The following IGSF11 variants were observed in gnomAD, a reference collection of about 807,000 sequenced individuals.
IGSF11 encodes immunoglobulin superfamily member 11.
A neutral mutation model predicts 41.0 loss-of-function variants in IGSF11; 22 were observed. The observed-to-expected ratio is 0.54, with a 90% CI of 0.38 to 0.77. The LOEUF (loss-of-function observed/expected upper bound fraction) is 0.77, where lower values mean the gene tolerates loss of function less well. IGSF11 is among the 30% of genes least tolerant of loss of function. IGSF11 has a pLI of 0.00. For synonymous variants in IGSF11, 219 were observed against 201.3 expected (o/e 1.09, Z -0.74); for missense variants, 444 against 530.8 (o/e 0.84, Z 1.61).
At chr3:118,994,543 A>G (rs957028246) in intron 1 of IGSF11, among the ~76,000 whole-genome samples, 7 of 152,190 alleles carry the variant, frequency 4.6e-5, no homozygotes, top group African/African-American at 1.7e-4. Context: ...CTATAGTCCC[A>G]GCTACTCAGG....
intron 1 of IGSF11, among the ~76,000 whole-genome samples, chr3:118,988,637 G>A (rs568170705): frequency 1.3e-5 from 2 of 152,256 alleles, no homozygotes; most frequent in East Asian, 1.9e-4. Context: ...CTCGGGGTGG[G>A]AAACTTGGAG....
chr3:118,967,835 A>G (rs1030987984), intron 1 of IGSF11, among the ~76,000 whole-genome samples: 2 of 152,158 alleles, frequency 1.3e-5, no homozygotes, highest in Non-Finnish European at 2.9e-5. Context: ...TTTTTTTACT[A>G]TGCATTGGCA....
intron 1 of IGSF11, among the ~76,000 whole-genome samples, chr3:118,954,258 G>A (rs1211801947): frequency 6.6e-6 from 1 of 152,028 alleles, no homozygotes; most frequent in African/African-American, 2.4e-5. Flanking sequence ...TGTTTCATTG[G>A]TCCATGTGCC....
intron 1 of IGSF11, among the ~76,000 whole-genome samples, chr3:119,033,229 T>G (rs1421127152): frequency 6.6e-6 from 1 of 152,228 alleles, no homozygotes; most frequent in Non-Finnish European, 1.5e-5. Context: ...ATTTGAGCTG[T>G]TCTTGTAATA....
chr3:119,029,110 G>C (rs1260826152), intron 1 of IGSF11, among the ~76,000 whole-genome samples: 1 of 150,736 alleles, frequency 6.6e-6, no homozygotes, highest in Non-Finnish European at 1.5e-5. Context: ...TCATTCACAA[G>C]TATCTACTGA....
At chr3:119,106,887 T>C (rs1420489388), upstream of IGSF11, among the ~76,000 whole-genome samples, 1 of 152,192 alleles carries the variant, frequency 6.6e-6, no homozygotes, top group Non-Finnish European at 1.5e-5. Context: ...GATTTCCAAT[T>C]TCATCCATGT....
intron 1 of IGSF11, among the ~76,000 whole-genome samples, chr3:118,963,423 A>G (rs186539728): frequency 1.3e-5 from 2 of 152,192 alleles, no homozygotes; most frequent in South Asian, 4.1e-4. Flanking sequence ...AATCAGAAGC[A>G]CTGAGGGCAG....
intron 4 of IGSF11, among the ~76,000 whole-genome samples, chr3:118,913,980 C>A (rs926803827): frequency 1.3e-5 from 2 of 151,816 alleles, no homozygotes; most frequent in African/African-American, 2.4e-5. Context: ...ACTGATGAGA[C>A]GAAATATTCA....
chr3:118,953,988 T>C (rs55758895), intron 1 of IGSF11, among the ~76,000 whole-genome samples: 26,715 of 152,104 alleles, frequency 0.18, 3,470 homozygotes, highest in African/African-American at 0.36. Flanking sequence ...AGCCAACGTC[T>C]AGAAAGGTTA....
rs545316545 is a variant in IGSF11, at chr3:119,130,889, T to C, written c.-14+14924A>G. 5.6e-4 allele frequency among the ~76,000 whole-genome samples: 86 copies of C among 152,318 alleles called. 1 individual carries two copies. Among genetic ancestry groups the C allele is most frequent in the Admixed American group, 4.9e-3 (75 of 15,302 alleles). On this transcript the variant is annotated intron_variant, in intron 1 of 7. Coordinates refer to the IGSF11 transcript ENST00000425327. ...CTGCAATATTTGCTGTTCTGCAGCC[T>C]ACACTGGTAATATCCAGGCGAACGG...
chr3:119,030,608 T>G (rs1940303256), intron 1 of IGSF11, among the ~76,000 whole-genome samples: 1 of 152,210 alleles, frequency 6.6e-6, no homozygotes, highest in Non-Finnish European at 1.5e-5. Context: ...AGTAAACTAA[T>G]TAACTTTCCA....
At chr3:118,951,598 T>C (rs1201786981) in intron 1 of IGSF11, among the ~76,000 whole-genome samples, 1 of 152,204 alleles carries the variant, frequency 6.6e-6, no homozygotes, top group East Asian at 1.9e-4. Context: ...TTATTGGTTA[T>C]TTACTATGTG....
At chr3:118,973,227 C>T (rs1188363843) in intron 1 of IGSF11, among the ~76,000 whole-genome samples, 3 of 152,178 alleles carry the variant, frequency 2.0e-5, no homozygotes, top group Non-Finnish European at 4.4e-5. Flanking sequence ...TCAGCAGTGG[C>T]TTGGCACACA....
intron 1 of IGSF11, among the ~76,000 whole-genome samples, chr3:118,942,135 G>A (rs79827364): frequency 0.026 from 3,949 of 152,248 alleles, 145 homozygotes; most frequent in African/African-American, 0.09. Flanking sequence ...TTGTATGTAA[G>A]TTATACTTTA....
intron 1 of IGSF11, among the ~76,000 whole-genome samples, chr3:119,046,309 G>A (rs907454566): frequency 1.3e-5 from 2 of 151,826 alleles, no homozygotes; most frequent in African/African-American, 2.4e-5. Context: ...AGGAGCTGAT[G>A]GAGCTGAAAA....
intron 1 of IGSF11, among the ~76,000 whole-genome samples, chr3:118,957,609 C>G (rs940841083): frequency 4.6e-5 from 7 of 152,326 alleles, no homozygotes; most frequent in Non-Finnish European, 8.8e-5. Context: ...ATCACACTCG[C>G]CATTCCTTGT....
intron 1 of IGSF11, among the ~76,000 whole-genome samples, chr3:119,121,179 A>C (rs529084475): frequency 7.9e-5 from 12 of 152,348 alleles, no homozygotes; most frequent in African/African-American, 2.9e-4. Context: ...ACAGGAAAAT[A>C]TCACATGTAC....
intron 1 of IGSF11, among the ~76,000 whole-genome samples, chr3:119,113,334 C>T (rs1056368485): frequency 6.6e-5 from 10 of 152,184 alleles, no homozygotes; most frequent in Admixed American, 5.9e-4. Context: ...AGGCAAGTCC[C>T]TAACTCAAAA....
chr3:118,951,876 AT>A (rs1382923264), intron 1 of IGSF11, among the ~76,000 whole-genome samples: 2 of 152,034 alleles, frequency 1.3e-5, no homozygotes, highest in Admixed American at 1.3e-4. Flanking sequence ...TTTTTTTAAA[AT>A]TTTTTCCCAA....
Sources: allele counts gnomAD v4.1 joint callset (sites outside exome capture counted in the v4.1 genomes callset), GRCh38; gene constraint gnomAD v4.1.1; transcripts MANE v1.5; gene names NCBI Gene and HGNC (gene_info 2026-07-23, HGNC 2026-07-21).